FAM221B: variants seen among roughly 807,000 people sequenced by gnomAD.
FAM221B encodes the protein family with sequence similarity 221 member B.
Under a neutral mutation model 39.8 loss-of-function variants are expected in FAM221B, and 35 were observed. That is an observed-to-expected ratio of 0.88 (90% CI 0.67 to 1.17). FAM221B has a LOEUF of 1.17. Among genes scored for constraint, FAM221B ranks in the 50% most tolerant of loss-of-function variants. The pLI is 0.00. For missense variants in FAM221B, 479 were observed against 503.1 expected, an observed-to-expected ratio of 0.95 and a Z score of 0.46; for synonymous variants, 158 against 178.1, an observed-to-expected ratio of 0.89 and a Z score of 0.90.
chr9:35,825,633 C>G lies in FAM221B; in HGVS notation c.529G>C (p.Gly177Arg). 1 of 1,614,226 alleles carries G rather than the reference C, an allele frequency of 6.2e-7. No homozygotes were observed. The highest frequency in any genetic ancestry group is 8.5e-7 in the Non-Finnish European group (1 of 1,180,038). The change falls in exon 2 of 7, where the codon GGA (glycine) becomes CGA (arginine). Residue 177 changes from glycine (G) to arginine (R), a missense_variant. Physicochemically the swap from Gly to Arg is moderately radical, Grantham distance 125 (BLOSUM62 -2). Transcript: ENST00000423537. The surrounding 1 kb of genome is among the most constrained non-coding windows in gnomAD (Gnocchi z 4.2). ...GCATCTACTCCCTTTTCAACCTCTC[C>G]TGCTTCTTCCTCCTGCTTTTCGGTT... ...DTTEKQEEEA[G>R]EVEKGVDASD... is the part of the protein sequence containing the mutation.
At position 35,817,003 on chromosome 9, in the gene FAM221B, G is replaced by A. The variant is rs1829036742; in HGVS notation, c.*1466C>T. On this transcript the variant is annotated 3_prime_UTR_variant, in exon 7 of 7. Transcript: ENST00000423537. ...GGATCTAGGAAGAGGAAGGAAGCCA[G>A]TCTGGAGGATAGGTGGATACAAAGC... 1 of 152,274 alleles carries A rather than the reference G, an allele frequency of 6.6e-6. No individual in the cohort carries two copies. The highest frequency in any genetic ancestry group is 2.4e-5 in the African/African-American group (1 of 41,458). 9.4% of individuals were successfully genotyped at this position (152,274 alleles called of 1,614,324 possible).
chr9:35,825,433 G>A lies in FAM221B; in HGVS notation c.599-60C>T. On this transcript the variant is annotated intron_variant, in intron 2 of 6. Coordinates refer to ENST00000423537, the MANE Select transcript of FAM221B (RefSeq NM_001012446.4). This position sits in a 1 kb window ranked among gnomAD's most constrained non-coding sequence, Gnocchi z 4.2. ...TGAGAAGGCCCTAAAACTAAGAGAA[G>A]GGGCCATGTCCAAGAGTAACCCAGT... 6.2e-7 allele frequency: 1 copy of A among 1,608,704 alleles called. No homozygotes were observed. The highest frequency in any genetic ancestry group is 8.5e-7 in the Non-Finnish European group (1 of 1,177,416).
Position 35,825,065 on chromosome 9 carries a change from C to T in FAM221B, c.742+165G>A, listed in dbSNP as rs1829293843. Among the ~76,000 whole-genome samples the T allele has an allele frequency of 6.6e-6, 1 of 152,152 alleles. No individual in the cohort carries two copies. The highest frequency in any genetic ancestry group is 2.4e-5 in the African/African-American group (1 of 41,424). On this transcript the variant is annotated intron_variant, in intron 3 of 6. Coordinates refer to ENST00000423537, the MANE Select transcript of FAM221B (RefSeq NM_001012446.4). This position sits in a 1 kb window ranked among gnomAD's most constrained non-coding sequence, Gnocchi z 4.2. ...AATCTCCCCACTTTTTGTCTGCATC[C>T]ACCCTTGTATTCCTTGGCCCACTTG...
intron 3 of FAM221B, among the ~76,000 whole-genome samples, chr9:35,821,150 A>G (rs1253486679): frequency 6.6e-6 from 1 of 152,192 alleles, no homozygotes; most frequent in Non-Finnish European, 1.5e-5. Context: ...ATTATAATAG[A>G]TCATTCCCTT....
chr9:35,824,030 G>A (rs551191943), intron 3 of FAM221B, among the ~76,000 whole-genome samples: 22 of 152,162 alleles, frequency 1.4e-4, no homozygotes, highest in South Asian at 1.0e-3. Flanking sequence ...GTGGTGGGGC[G>A]GGAGGGCAAG....
In FAM221B at chr9:35,825,309, C is replaced by T. The variant is rs1292495138; in HGVS notation, c.663G>A (p.Met221Ile). 3.7e-6 allele frequency: 6 copies of T among 1,614,272 alleles called. No individual in the cohort carries two copies. Among genetic ancestry groups the T allele is most frequent in the Non-Finnish European group, 5.1e-6 (6 of 1,180,046 alleles). The change falls in exon 3 of 7, where the codon ATG (methionine) becomes ATA (isoleucine). Residue 221 changes from methionine (M) to isoleucine (I), a missense_variant. Coordinates refer to ENST00000423537, the MANE Select transcript of FAM221B (RefSeq NM_001012446.4). The surrounding 1 kb of genome is among the most constrained non-coding windows in gnomAD (Gnocchi z 4.2). ...QTELVEVAKA[M>I]HREEFGAQVN... is the part of the protein sequence containing the mutation. ...CTTGAGCACCAAACTCCTCTCTATG[C>T]ATTGCCTTAGCCACTTCCACCAGCT...
At chr9:35,822,330 T>C (rs762284046) in intron 3 of FAM221B, among the ~76,000 whole-genome samples, 22 of 152,220 alleles carry the variant, frequency 1.4e-4, no homozygotes, top group Non-Finnish European at 2.6e-4. Flanking sequence ...CATTTCCCTC[T>C]CTCTTATCCT....
Position 35,819,819 on chromosome 9 carries a change from A to G in FAM221B, c.853+71T>C, listed in dbSNP as rs1829106601. 3 of 1,294,630 alleles carry G rather than the reference A, an allele frequency of 2.3e-6. 1 individual carries two copies. In the South Asian group the frequency reaches 3.7e-5, roughly 16 times the overall value. 80.2% of individuals were successfully genotyped at this position (1,294,630 alleles called of 1,614,324 possible). On this transcript the variant is annotated intron_variant, in intron 4 of 6. Transcript: ENST00000423537. Reference sequence around the variant, plus strand: ...CGTGCCCAGCCACATGCTCTCTCTCATACTTCCCAAGACATGACAGAGTAC... The same window carrying G: ...CGTGCCCAGCCACATGCTCTCTCTCGTACTTCCCAAGACATGACAGAGTAC...
chr9:35,827,458 A>G (rs1350258319), intron 1 of FAM221B, among the ~76,000 whole-genome samples: 2 of 152,214 alleles, frequency 1.3e-5, no homozygotes, highest in African/African-American at 4.8e-5. Flanking sequence ...AGTTGAGTCT[A>G]GGAGAGAGAC....
chr9:35,818,539 A>G, intron 6 of FAM221B, 33 bp from the exon 7 acceptor site: 1 of 1,549,348 alleles, frequency 6.5e-7, no homozygotes. Flanking sequence ...TGAAAGGGTC[A>G]GGTATGGGGG....
In FAM221B at chr9:35,825,802, A is replaced by G. The variant is rs751089441; in HGVS notation, c.360T>C (p.Ser120=). 2.0e-5 allele frequency: 32 copies of G among 1,614,034 alleles called. No homozygotes were observed. Among genetic ancestry groups the G allele is most frequent in the Non-Finnish European group, 2.4e-5 (28 of 1,179,970 alleles). ...PQSRDYVCLS[S]SDTLKEDLSS... is the part of the protein sequence containing the mutation. ...AGAGGTCTTCCTTCAGAGTATCAGA[A>G]GAAGACAGACAGACATAGTCTCGTG... The change falls in exon 2 of 7, where the codon TCT becomes TCC. Residue 120 remains serine, a synonymous_variant. Transcript: ENST00000423537. This position sits in a 1 kb window ranked among gnomAD's most constrained non-coding sequence, Gnocchi z 4.2.
intron 3 of FAM221B, among the ~76,000 whole-genome samples, chr9:35,824,500 G>A (rs564431048): frequency 6.6e-6 from 1 of 151,992 alleles, no homozygotes; most frequent in East Asian, 1.9e-4. Flanking sequence ...TGGCATGCAG[G>A]GGTGACAGCC....
chr9:35,822,575 T>C (rs561864903), intron 3 of FAM221B, among the ~76,000 whole-genome samples: 4 of 152,128 alleles, frequency 2.6e-5, no homozygotes, highest in Admixed American at 1.3e-4. Context: ...ACCCGGCTAA[T>C]TTTTTGTATT....
At position 35,825,471 on chromosome 9, in the gene FAM221B, G is replaced by A. The variant is rs925525301; in HGVS notation, c.598+93C>T. ...AGAGTAACCCAGTCTCCTCCTCCTG[G>A]GGCAAGTCAAGGACAGTGAATAGTA... On this transcript the variant is annotated intron_variant, in intron 2 of 6. Transcript: ENST00000423537. This position sits in a 1 kb window ranked among gnomAD's most constrained non-coding sequence, Gnocchi z 4.2. 1.9e-6 allele frequency: 3 copies of A among 1,587,508 alleles called. No individual in the cohort carries two copies. Among genetic ancestry groups the A allele is most frequent in the African/African-American group, 2.7e-5 (2 of 74,316 alleles).
rs532628136 is a variant in FAM221B, at chr9:35,828,705, C to G, written c.-243G>C. On this transcript the variant is annotated 5_prime_UTR_variant, in exon 1 of 7. Transcript: ENST00000423537. This position sits in a 1 kb window ranked among gnomAD's most constrained non-coding sequence, Gnocchi z 4.5. ...GGGGAAGTGGGTAGGGACAAGGGGT[C>G]TAGGGCCAATGAGGGAGGGTCTTGA... The G allele has an allele frequency of 1.5e-5, 15 of 985,424 alleles. No homozygotes were observed. The East Asian group carries it at 1.7e-3, about 112-fold the overall frequency. The allele number at this position is 985,424 out of a possible 1,614,324, so 61.0% of individuals were successfully genotyped here.
intron 3 of FAM221B, among the ~76,000 whole-genome samples, chr9:35,822,931 T>A (rs1432952584): frequency 2.0e-5 from 3 of 152,218 alleles, no homozygotes; most frequent in African/African-American, 7.2e-5. Context: ...TTCTAGTGAC[T>A]CTCAGTTGCC....
chr9:35,820,090 G>C (rs60531828), intron 3 of FAM221B, 90 bp from the exon 4 acceptor site: 25,503 of 852,270 alleles, frequency 0.03, 912 homozygotes, highest in African/African-American at 0.15. Context: ...GTGAGGGGGT[G>C]GGGGGAACTT....
At chr9:35,818,543 A>T (rs1272045266) in intron 6 of FAM221B, 37 bp from the exon 7 acceptor site, 2 of 1,547,838 alleles carry the variant, frequency 1.3e-6, no homozygotes, top group African/African-American at 2.7e-5. Flanking sequence ...AGGGTCAGGT[A>T]TGGGGGTCAG....
At position 35,819,969 on chromosome 9, in the gene FAM221B, G is replaced by C. The variant is rs903096494; in HGVS notation, c.774C>G (p.Tyr258Ter). 42 of 1,613,860 alleles carry C rather than the reference G, an allele frequency of 2.6e-5. No individual in the cohort carries two copies. The highest frequency in any genetic ancestry group is 3.6e-5 in the Non-Finnish European group (42 of 1,179,892). ...GLYIGWRCPH[Y>*]LWDCFRIGDE... ...CCCCAATCCGGAAACAGTCCCATAG[G>C]TAATGGGGGCAGCGCCAGCCAATGT... Residue 258 changes from tyrosine to a stop codon, truncating the protein, a stop_gained, in exon 4 of 7, where the codon TAC (tyrosine) becomes TAG (stop). Coordinates refer to ENST00000423537, the MANE Select transcript of FAM221B (RefSeq NM_001012446.4). LOFTEE classifies it high-confidence loss of function.
Sources: allele counts gnomAD v4.1 joint callset (sites outside exome capture counted in the v4.1 genomes callset), GRCh38; gene constraint gnomAD v4.1.1; non-coding constraint Gnocchi (gnomAD v3.1); transcripts MANE v1.5; gene names NCBI Gene and HGNC (gene_info 2026-07-23, HGNC 2026-07-21).